The following UBXN8 variants were observed in gnomAD, a reference collection of about 807,000 sequenced individuals.
UBXN8 encodes UBX domain protein 8.
UBXN8 carries 27 observed loss-of-function variants against 32.1 expected under a neutral mutation model. The ratio of observed to expected loss-of-function variants is 0.84; its 90% confidence interval spans 0.62 to 1.16. UBXN8 has a LOEUF of 1.16. Ranked by LOEUF, UBXN8 falls within the 50% of genes most tolerant of loss-of-function variation. UBXN8 has a pLI of 0.00. For missense variants in UBXN8, 306 were observed against 311.4 expected, an observed-to-expected ratio of 0.98 and a Z score of 0.13; for synonymous variants, 109 against 111.8, an observed-to-expected ratio of 0.98 and a Z score of 0.16.
intron 3 of UBXN8, chr8:30,754,299 C>G: frequency 2.7e-6 from 1 of 365,390 alleles, no homozygotes; most frequent in Non-Finnish European, 5.5e-6. Context: ...ATCTGAAATT[C>G]TAAAGATGGC....
At chr8:30,750,006 C>T (rs972232066) in intron 1 of UBXN8, among the ~76,000 whole-genome samples, 2 of 152,152 alleles carry the variant, frequency 1.3e-5, no homozygotes, top group East Asian at 1.9e-4. Flanking sequence ...TGTAGCTGAT[C>T]GCTCTAATTG....
chr8:30,739,327 G>A (rs1359770525), upstream of UBXN8, among the ~76,000 whole-genome samples: 1 of 149,828 alleles, frequency 6.7e-6, no homozygotes, highest in Admixed American at 6.8e-5. Context: ...GGTGGATCAC[G>A]ATGTCAGGAG....
intron 5 of UBXN8, 35 bp from the exon 6 acceptor site, chr8:30,760,853 A>C: frequency 7.0e-7 from 1 of 1,432,032 alleles, no homozygotes; most frequent in Non-Finnish European, 9.5e-7. Context: ...CTTGTTGAAC[A>C]TGTTTACATT....
chr8:30,758,696 A>G (rs1311987791), intron 5 of UBXN8, among the ~76,000 whole-genome samples: 1 of 152,186 alleles, frequency 6.6e-6, no homozygotes, highest in East Asian at 1.9e-4. Context: ...GTGTTTTGTT[A>G]ATGACACTGT....
Position 30,744,260 on chromosome 8 carries a change from G to T in UBXN8, c.71G>T (p.Arg24Leu). Residue 24 changes from arginine to leucine, a missense_variant, in exon 1 of 8, where the codon CGT becomes CTT. Physicochemically the swap from Arg to Leu is moderately radical, Grantham distance 102. Coordinates refer to ENST00000265616, the MANE Select transcript of UBXN8 (RefSeq NM_005671.4). ...CCCCTTGTGTGTCTGGAGCTCCGGC[G>T]TGGGATCCCGGATATAGGTAAGTGT... ...AVPLVCLELR[R>L]GIPDIGIKDF... 2.5e-6 allele frequency: 4 copies of T among 1,613,740 alleles called. No homozygotes were observed. Among genetic ancestry groups the T allele is most frequent in the Non-Finnish European group, 3.4e-6 (4 of 1,179,806 alleles).
upstream of UBXN8, among the ~76,000 whole-genome samples, chr8:30,740,639 C>G (rs1250390228): frequency 1.3e-5 from 2 of 150,838 alleles, no homozygotes; most frequent in African/African-American, 4.9e-5. Context: ...GTGAGATGAT[C>G]GCTTGAGCCC....
chr8:30,748,929 G>A (rs1805437997), intron 1 of UBXN8, among the ~76,000 whole-genome samples: 1 of 152,076 alleles, frequency 6.6e-6, no homozygotes, highest in Admixed American at 6.6e-5. Flanking sequence ...CTGTATCTCT[G>A]CCATTTATCT....
At chr8:30,755,616 C>T (rs534372112) in intron 4 of UBXN8, among the ~76,000 whole-genome samples, 13 of 151,320 alleles carry the variant, frequency 8.6e-5, no homozygotes, top group Non-Finnish European at 1.2e-4. Context: ...ATTAGCCAGA[C>T]GTGGTAGTGT....
At chr8:30,759,380 G>A (rs1231588173) in intron 5 of UBXN8, among the ~76,000 whole-genome samples, 2 of 151,658 alleles carry the variant, frequency 1.3e-5, no homozygotes, top group East Asian at 3.9e-4. Context: ...GATTACAGGT[G>A]TGCGCCACCA....
At chr8:30,749,944 T>C (rs1007899376) in intron 1 of UBXN8, among the ~76,000 whole-genome samples, 11 of 152,102 alleles carry the variant, frequency 7.2e-5, no homozygotes, top group African/African-American at 2.7e-4. Flanking sequence ...GTTATGTAAT[T>C]TTCTCTATAT....
chr8:30,756,703 T>C (rs1586101369), intron 4 of UBXN8, 62 bp from the exon 5 acceptor site: 2 of 1,596,254 alleles, frequency 1.3e-6, no homozygotes, highest in East Asian at 2.2e-5. Context: ...GAAAAACAAT[T>C]GTGAATAGAA....
intron 2 of UBXN8, among the ~76,000 whole-genome samples, chr8:30,752,084 G>T (rs555010553): frequency 4.9e-4 from 74 of 151,890 alleles, no homozygotes; most frequent in Non-Finnish European, 8.8e-4. Flanking sequence ...TAGAGACAGG[G>T]TTTCACCATG....
intron 1 of UBXN8, chr8:30,734,187 A>G (rs1337895547): frequency 1.3e-5 from 2 of 152,238 alleles, no homozygotes; most frequent in African/African-American, 4.8e-5. Context: ...GAGAATGGAA[A>G]CACACCACAC....
chr8:30,759,351 T>G (rs1805762587), intron 5 of UBXN8, among the ~76,000 whole-genome samples: 1 of 151,714 alleles, frequency 6.6e-6, no homozygotes, highest in African/African-American at 2.4e-5. Flanking sequence ...TTCTCATGCC[T>G]CAACCTCCTG....
At chr8:30,738,937 CAA>C (rs1805129913) in intron 1 of UBXN8, among the ~76,000 whole-genome samples, 1 of 150,676 alleles carries the variant, frequency 6.6e-6, no homozygotes, top group Non-Finnish European at 1.5e-5. Context: ...GCGTGGGCAA[CAA>C]GAGTGAAACT....
At chr8:30,735,182 T>G (rs985915947) in intron 1 of UBXN8, among the ~76,000 whole-genome samples, 5 of 152,232 alleles carry the variant, frequency 3.3e-5, no homozygotes, top group Non-Finnish European at 7.3e-5. Context: ...AGCTGGTGAC[T>G]TGTGGATGTT....
chr8:30,738,654 CAAA>C (rs536271863), intron 1 of UBXN8, among the ~76,000 whole-genome samples: 23,218 of 74,534 alleles, frequency 0.31, 2,052 homozygotes, highest in South Asian at 0.39. Context: ...GCCTCCGTCT[CAAA>C]AAAAAAAAAA....
In UBXN8 at chr8:30,755,856, T is replaced by C. The variant is rs1409638384; in HGVS notation, c.406-909T>C. On this transcript the variant is annotated intron_variant, in intron 4 of 7. Coordinates refer to ENST00000265616, the MANE Select transcript of UBXN8 (RefSeq NM_005671.4). ...TTATTGTCTTATATGAGGACAAGAATATTCTGATCTTTCCTCAAGTCAAGA... is the reference window on the plus strand; with the variant it reads ...TTATTGTCTTATATGAGGACAAGAACATTCTGATCTTTCCTCAAGTCAAGA... Among the ~76,000 whole-genome samples, 3 of 150,428 alleles carry C rather than the reference T, an allele frequency of 2.0e-5. No individual in the cohort carries two copies. The East Asian group carries it at 5.9e-4, about 29-fold the overall frequency.
At chr8:30,729,567 C>T (rs778871182), upstream of UBXN8, among the ~76,000 whole-genome samples, 49 of 152,096 alleles carry the variant, frequency 3.2e-4, no homozygotes, top group Non-Finnish European at 5.7e-4. Flanking sequence ...GCCCTTTTTA[C>T]CCATTCTTTG....
Sources: gnomAD v4.1 joint callset for allele counts (sites outside exome capture counted in the v4.1 genomes callset) on GRCh38, gnomAD v4.1.1 for gene constraint, MANE v1.5 for transcripts, NCBI Gene and HGNC (gene_info 2026-07-23, HGNC 2026-07-21) for gene names.